The following POFUT3 variants were observed in gnomAD, a reference collection of about 807,000 sequenced individuals.
POFUT3 encodes protein O-fucosyltransferase 3, also known as GDP-fucose protein O-fucosyltransferase 3.
the POFUT3 span, among the ~76,000 whole-genome samples, chr8:33,360,333 C>T: frequency 6.6e-6 from 1 of 151,494 alleles, no homozygotes; most frequent in African/African-American, 2.4e-5. Context: ...GTAGTTCCAG[C>T]TACTTGGGAG....
At chr8:33,360,754 T>C in the POFUT3 span, 2 of 152,128 alleles carry the variant, frequency 1.3e-5, no homozygotes, top group East Asian at 1.9e-4. Context: ...GAGAGCTGCA[T>C]GGTCTTTCTG....
the POFUT3 span, among the ~76,000 whole-genome samples, chr8:33,365,492 AT>A: frequency 3.9e-5 from 6 of 152,194 alleles, no homozygotes; most frequent in African/African-American, 4.8e-5. Context: ...ATGGGAGAAA[AT>A]TTTTGCAATC....
chr8:33,447,895 C>A, the POFUT3 span, among the ~76,000 whole-genome samples: 1 of 152,192 alleles, frequency 6.6e-6, no homozygotes, highest in Non-Finnish European at 1.5e-5. Context: ...TTGGAACACT[C>A]AGACAGAAGA....
the POFUT3 span, among the ~76,000 whole-genome samples, chr8:33,358,521 A>G: frequency 2.2e-4 from 34 of 152,342 alleles, no homozygotes; most frequent in Admixed American, 1.7e-3. Flanking sequence ...TCAGTGTTCA[A>G]TTTATTAGGT....
chr8:33,458,203 C>G, the POFUT3 span, among the ~76,000 whole-genome samples: 1 of 152,062 alleles, frequency 6.6e-6, no homozygotes, highest in Non-Finnish European at 1.5e-5. Flanking sequence ...AGGAGAGAGG[C>G]CACAGAAGAA....
chr8:33,309,981 T>G, the POFUT3 span, among the ~76,000 whole-genome samples: 5 of 152,212 alleles, frequency 3.3e-5, no homozygotes, highest in Non-Finnish European at 5.9e-5. Flanking sequence ...ATATGATTTA[T>G]GCTTTTATCA....
the POFUT3 span, among the ~76,000 whole-genome samples, chr8:33,445,123 C>T: frequency 0.047 from 7,164 of 151,722 alleles, 275 homozygotes; most frequent in African/African-American, 0.1. Context: ...CTGTAGAGCC[C>T]GGGTTTTGCC....
the POFUT3 span, chr8:33,455,752 A>G: frequency 4.4e-6 from 2 of 451,944 alleles, no homozygotes; most frequent in South Asian, 3.1e-5. Flanking sequence ...TCCCGCTTTT[A>G]GCAGCCAAGA....
the POFUT3 span, among the ~76,000 whole-genome samples, chr8:33,420,291 T>C: frequency 6.6e-6 from 1 of 152,112 alleles, no homozygotes; most frequent in African/African-American, 2.4e-5. Context: ...AAATAAAATA[T>C]ACAAAAAAAT....
the POFUT3 span, among the ~76,000 whole-genome samples, chr8:33,375,985 C>T: frequency 6.6e-6 from 1 of 151,080 alleles, no homozygotes; most frequent in Admixed American, 6.6e-5. Context: ...CCACTGCACA[C>T]CAGCCTGGGT....
the POFUT3 span, among the ~76,000 whole-genome samples, chr8:33,376,404 G>A: frequency 6.6e-6 from 1 of 152,172 alleles, no homozygotes; most frequent in Non-Finnish European, 1.5e-5. Flanking sequence ...AAATATATGA[G>A]GAGATACTAG....
At chr8:33,371,582 T>A in the POFUT3 span, 1 of 152,046 alleles carries the variant, frequency 6.6e-6, no homozygotes, top group Non-Finnish European at 1.5e-5. Context: ...CTCCCTCACA[T>A]GGAAAGAAAA....
chr8:33,338,449 A>G, the POFUT3 span, among the ~76,000 whole-genome samples: 1 of 152,242 alleles, frequency 6.6e-6, no homozygotes, highest in Non-Finnish European at 1.5e-5. Flanking sequence ...TATAGATAAG[A>G]AAACTTGCCA....
the POFUT3 span, among the ~76,000 whole-genome samples, chr8:33,390,733 C>A: frequency 2.0e-5 from 3 of 151,942 alleles, no homozygotes; most frequent in East Asian, 5.8e-4. Flanking sequence ...CAGACCACTG[C>A]AGGATGGACA....
the POFUT3 span, among the ~76,000 whole-genome samples, chr8:33,334,367 G>A: frequency 3.9e-5 from 6 of 152,152 alleles, no homozygotes; most frequent in South Asian, 2.1e-4. Flanking sequence ...ACTGGCATGC[G>A]CCACCACACT....
the POFUT3 span, among the ~76,000 whole-genome samples, chr8:33,346,144 C>T: frequency 7.1e-6 from 1 of 140,414 alleles, no homozygotes; most frequent in Non-Finnish European, 1.5e-5. Flanking sequence ...TAAATTATAG[C>T]CACTGAGTGC....
At chr8:33,461,722 A>C in the POFUT3 span, 1 of 1,314,938 alleles carries the variant, frequency 7.6e-7, no homozygotes. Context: ...GAATCAAAAA[A>C]ATTCTGCAAC....
chr8:33,380,784 C>CTA, the POFUT3 span, among the ~76,000 whole-genome samples: 1 of 150,650 alleles, frequency 6.6e-6, no homozygotes, highest in South Asian at 2.1e-4. Flanking sequence ...CTGCAGTGAG[C>CTA]TATGATTGCA....
chr8:33,315,641 A>G, the POFUT3 span, among the ~76,000 whole-genome samples: 2 of 152,152 alleles, frequency 1.3e-5, no homozygotes, highest in Non-Finnish European at 2.9e-5. Flanking sequence ...GAACAAATGC[A>G]AAATGAAGAC....
Sources: gnomAD v4.1 joint callset for allele counts (sites outside exome capture counted in the v4.1 genomes callset) on GRCh38, gnomAD v4.1.1 for gene constraint, MANE v1.5 for transcripts, NCBI Gene and HGNC (gene_info 2026-07-23, HGNC 2026-07-21) for gene names.